CSE1L: variants seen among roughly 807,000 people sequenced by gnomAD.
CSE1L encodes chromosome segregation 1 like.
CSE1L carries 24 observed loss-of-function variants against 120.4 expected under a neutral mutation model. That is an observed-to-expected ratio of 0.20 (90% CI 0.14 to 0.28). The LOEUF (loss-of-function observed/expected upper bound fraction) is 0.28, where lower values mean the gene tolerates loss of function less well. Ranked by LOEUF, CSE1L falls within the 10% of genes least tolerant of loss-of-function variation. The pLI, the probability that CSE1L is intolerant of heterozygous loss-of-function variation, is 1.00. For missense variants in CSE1L, 830 were observed against 1,145.2 expected (o/e 0.72, Z 3.97); for synonymous variants, 402 against 398.3 (o/e 1.01, Z -0.11).
rs531050061 is a variant in CSE1L at position 49,049,972 on chromosome 20, G to T, written c.-12+3549G>T. On this transcript the variant is annotated intron_variant, in intron 1 of 24. Transcript: ENST00000262982. ...AGCCCAGGAGGCAGAGGTTTCAGTGGGCCAGAATTACACCACTGCATTTCT... is the reference window on the plus strand; with the variant it reads ...AGCCCAGGAGGCAGAGGTTTCAGTGTGCCAGAATTACACCACTGCATTTCT... Among the ~76,000 whole-genome samples the T allele has an allele frequency of 3.9e-5, 6 of 152,100 alleles. No individual in the cohort carries two copies. In the East Asian group the frequency reaches 1.2e-3, roughly 29 times the overall value.
chr20:49,096,544 C>T lies in CSE1L; in HGVS notation c.*106C>T, dbSNP rs767055636. 29 of 817,686 alleles carry T rather than the reference C, an allele frequency of 3.5e-5. 1 individual carries two copies. Among genetic ancestry groups the T allele is most frequent in the African/African-American group, 8.6e-5 (5 of 58,440 alleles). The allele number at this position is 817,686 out of a possible 1,614,324, so 50.7% of individuals were successfully genotyped here. On this transcript the variant is annotated 3_prime_UTR_variant, in exon 25 of 25. Coordinates refer to ENST00000262982, the MANE Select transcript of CSE1L (RefSeq NM_001316.4). Reference sequence around the variant, plus strand: ...GGAAGTTCTCCTTTTGAACTTGTCACGAATTCCATCTTGTAAAGGATATTA... The same window carrying T: ...GGAAGTTCTCCTTTTGAACTTGTCATGAATTCCATCTTGTAAAGGATATTA...
intron 14 of CSE1L, among the ~76,000 whole-genome samples, chr20:49,082,729 G>A (rs1193504805): frequency 6.6e-6 from 1 of 151,556 alleles, no homozygotes; most frequent in Non-Finnish European, 1.5e-5. Context: ...CACTGTGTTA[G>A]CCAGGATGGT....
chr20:49,067,948 T>TG (rs1341777543), intron 6 of CSE1L, among the ~76,000 whole-genome samples: 1 of 143,288 alleles, frequency 7.0e-6, no homozygotes, highest in Non-Finnish European at 1.5e-5. Flanking sequence ...TTTTTTTTTT[T>TG]TTTTTGAGAT....
At chr20:49,088,238 C>G in intron 17 of CSE1L, 132 bp downstream of exon 17, 1 of 663,020 alleles carries the variant, frequency 1.5e-6, no homozygotes, top group South Asian at 1.8e-5. Context: ...CACTAATGGA[C>G]TTTTCTGAAA....
At chr20:49,057,243 T>C (rs367543816) in intron 1 of CSE1L, among the ~76,000 whole-genome samples, 7 of 152,294 alleles carry the variant, frequency 4.6e-5, no homozygotes, top group African/African-American at 1.7e-4. Context: ...TTTAGTTTTG[T>C]TTAAGCTTTA....
chr20:49,064,153 C>T (rs919614771), intron 3 of CSE1L, among the ~76,000 whole-genome samples: 2 of 152,114 alleles, frequency 1.3e-5, no homozygotes, highest in East Asian at 1.9e-4. Flanking sequence ...TAGCTTTCCA[C>T]AACAAAGAAT....
chr20:49,053,597 CCT>C (rs757631792), intron 1 of CSE1L, among the ~76,000 whole-genome samples: 1 of 151,978 alleles, frequency 6.6e-6, no homozygotes, highest in East Asian at 1.9e-4. Context: ...GTGATCTGCC[CCT>C]CTCAGCCTCC....
Position 49,077,070 on chromosome 20 carries a change from T to C in CSE1L, c.1420+6T>C. ...TGATTTAAAATCAGCTAATGGTGAG[T>C]TGTGAAATTCTTGCTTTTTTTACAG... is the stretch of plus-strand genomic sequence containing the variant. On this transcript the variant is annotated splice_donor_region_variant and intron_variant, in intron 13 of 24. Coordinates refer to ENST00000262982, the MANE Select transcript of CSE1L (RefSeq NM_001316.4). The C allele has an allele frequency of 6.3e-7, 1 of 1,591,354 alleles. No individual in the cohort carries two copies. Among genetic ancestry groups the C allele is most frequent in the Non-Finnish European group, 8.6e-7 (1 of 1,167,736 alleles).
chr20:49,058,478 T>C lies in CSE1L; in HGVS notation c.15T>C (p.Asp5=). The C allele has an allele frequency of 6.2e-7, 1 of 1,613,564 alleles. No individual in the cohort carries two copies. The highest frequency in any genetic ancestry group is 8.5e-7 in the Non-Finnish European group (1 of 1,179,620). The change falls in exon 2 of 25, where the codon GAT becomes GAC. Residue 5 remains aspartate, a synonymous_variant. Coordinates refer to ENST00000262982, the MANE Select transcript of CSE1L (RefSeq NM_001316.4). ...ATCCTATAGCAATGGAACTCAGCGA[T>C]GCAAATCTGCAAACACTAACAGAAT... MELS[D]ANLQTLTEYL... is the part of the protein sequence containing the mutation.
At chr20:49,088,562 C>T (rs975176182) in intron 17 of CSE1L, among the ~76,000 whole-genome samples, 3 of 152,196 alleles carry the variant, frequency 2.0e-5, no homozygotes, top group Non-Finnish European at 4.4e-5. Context: ...TGTTTATTAA[C>T]ACTAAATTTT....
chr20:49,065,592 T>TTTTTTTTC, intron 3 of CSE1L, among the ~76,000 whole-genome samples: 1 of 125,704 alleles, frequency 8.0e-6, no homozygotes, highest in Non-Finnish European at 1.7e-5. Flanking sequence ...GGAAATTTTT[T>TTTTTTTTC]TTTTTTTTTT....
At chr20:49,057,601 C>T (rs1285082541) in intron 1 of CSE1L, among the ~76,000 whole-genome samples, 1 of 151,820 alleles carries the variant, frequency 6.6e-6, no homozygotes, top group Non-Finnish European at 1.5e-5. Context: ...TGAAGGCACC[C>T]ACTACCATGC....
At chr20:49,060,257 G>A (rs959634610) in intron 2 of CSE1L, among the ~76,000 whole-genome samples, 8 of 151,814 alleles carry the variant, frequency 5.3e-5, no homozygotes, top group Non-Finnish European at 7.4e-5. Context: ...GCCAAGGCAG[G>A]CGGATCATGA....
chr20:49,057,153 C>G (rs1257410958), intron 1 of CSE1L, among the ~76,000 whole-genome samples: 2 of 152,070 alleles, frequency 1.3e-5, no homozygotes, highest in East Asian at 1.9e-4. Flanking sequence ...TTGTGAGACC[C>G]TGTCTCTACA....
chr20:49,064,383 G>A (rs961180434), intron 3 of CSE1L, among the ~76,000 whole-genome samples: 1 of 152,174 alleles, frequency 6.6e-6, no homozygotes. Flanking sequence ...TTTTAAGCCT[G>A]TATGATTTCT....
chr20:49,058,060 C>G (rs985416809), intron 1 of CSE1L, among the ~76,000 whole-genome samples: 3 of 152,194 alleles, frequency 2.0e-5, no homozygotes, highest in African/African-American at 4.8e-5. Flanking sequence ...GCCTGAGCCA[C>G]TGCCCGGGCT....
intron 2 of CSE1L, among the ~76,000 whole-genome samples, chr20:49,060,620 A>T (rs2091845023): frequency 6.6e-6 from 1 of 152,096 alleles, no homozygotes; most frequent in Non-Finnish European, 1.5e-5. Context: ...TACTAAAAAT[A>T]CAAACATTAG....
chr20:49,080,721 C>T (rs983892522), intron 14 of CSE1L, among the ~76,000 whole-genome samples: 2 of 152,140 alleles, frequency 1.3e-5, no homozygotes, highest in African/African-American at 4.8e-5. Flanking sequence ...GGCGATCCGC[C>T]TGCCTCGGCC....
intron 1 of CSE1L, among the ~76,000 whole-genome samples, chr20:49,047,774 G>C (rs1324939390): frequency 1.3e-5 from 2 of 151,418 alleles, no homozygotes; most frequent in Non-Finnish European, 2.9e-5. Context: ...TATTAGAGAC[G>C]GGGTTTCACC....
Sources: gnomAD v4.1 joint callset for allele counts (sites outside exome capture counted in the v4.1 genomes callset) on GRCh38, gnomAD v4.1.1 for gene constraint, MANE v1.5 for transcripts, NCBI Gene and HGNC (gene_info 2026-07-23, HGNC 2026-07-21) for gene names.